Variants in MTR observed in about 807,000 individuals in gnomAD.
The protein encoded by MTR is 5-methyltetrahydrofolate-homocysteine methyltransferase, also known as methionine synthase.
A neutral mutation model predicts 154.8 loss-of-function variants in MTR; 84 were observed. The observed-to-expected ratio is 0.54, with a 90% CI of 0.45 to 0.65. The LOEUF (loss-of-function observed/expected upper bound fraction) is 0.65, where lower values mean the gene tolerates loss of function less well. MTR is among the 30% of genes least tolerant of loss of function. The pLI is 0.00. For missense variants in MTR, 1,275 were observed against 1,570.2 expected, an observed-to-expected ratio of 0.81 and a Z score of 3.18; for synonymous variants, 554 against 553.9, an observed-to-expected ratio of 1.00 and a Z score of 0.00.
intron 24 of MTR, among the ~76,000 whole-genome samples, chr1:236,879,327 A>T (rs1165457143): frequency 6.6e-6 from 1 of 152,186 alleles, no homozygotes; most frequent in Non-Finnish European, 1.5e-5. Flanking sequence ...GGTTGTTTGG[A>T]AAAGCTTGAG....
intron 28 of MTR, 51 bp from the exon 29 acceptor site, chr1:236,891,082 A>T (rs777029502): frequency 4.4e-6 from 7 of 1,587,918 alleles, no homozygotes; most frequent in Non-Finnish European, 6.1e-6. Flanking sequence ...GCATTGTTTG[A>T]TGGTTATTTT....
intron 18 of MTR, among the ~76,000 whole-genome samples, chr1:236,857,809 C>T (rs1664290049): frequency 6.6e-6 from 1 of 152,154 alleles, no homozygotes; most frequent in Non-Finnish European, 1.5e-5. Flanking sequence ...TGACCCCAAA[C>T]TAGAGATGGT....
intron 19 of MTR, 144 bp from the exon 20 acceptor site, chr1:236,860,981 G>A (rs1664501062): frequency 1.5e-6 from 1 of 663,628 alleles, no homozygotes; most frequent in East Asian, 2.7e-5. Context: ...GTGATAGGAA[G>A]CCAGATTGAG....
At chr1:236,817,299 CT>C (rs1169200468) in intron 8 of MTR, among the ~76,000 whole-genome samples, 3 of 152,022 alleles carry the variant, frequency 2.0e-5, no homozygotes, top group Non-Finnish European at 4.4e-5. Flanking sequence ...CCCCTTCCCC[CT>C]TTCCCCCCTT....
At chr1:236,826,708 A>G (rs1172239652) in intron 10 of MTR, 121 bp from the exon 11 acceptor site, 1 of 781,310 alleles carries the variant, frequency 1.3e-6, no homozygotes, top group East Asian at 2.6e-5. Flanking sequence ...AGTATGTTTG[A>G]CTCTCTTTTT....
rs1254197974 is a variant in MTR at position 236,808,786 on chromosome 1, C to A, written c.409+13C>A. The A allele has an allele frequency of 6.2e-7, 1 of 1,613,284 alleles. No individual in the cohort carries two copies. The highest frequency in any genetic ancestry group is 1.7e-5 in the Admixed American group (1 of 60,012). ...ACTCTCCAGACAGGTAGGGAATGTT[C>A]TTCTCTTTTTTTGCACACGTGGTTC... On this transcript the variant is annotated intron_variant, in intron 4 of 32. Coordinates refer to ENST00000366577, the MANE Select transcript of MTR (RefSeq NM_000254.3).
chr1:236,830,353 T>C (rs1312687745), intron 12 of MTR, among the ~76,000 whole-genome samples: 1 of 152,148 alleles, frequency 6.6e-6, no homozygotes, highest in Non-Finnish European at 1.5e-5. Flanking sequence ...AGCCAAGCAC[T>C]AAGAGTGGAA....
chr1:236,853,548 T>C (rs1402949964), intron 18 of MTR, among the ~76,000 whole-genome samples: 1 of 152,226 alleles, frequency 6.6e-6, no homozygotes, highest in Non-Finnish European at 1.5e-5. Flanking sequence ...TTTACAAAAA[T>C]AGAACTATAC....
Position 236,894,445 on chromosome 1 carries a change from G to A in MTR, c.3293G>A (p.Gly1098Asp), listed in dbSNP as rs2147950746. Residue 1098 changes from glycine (G) to aspartate (D), a missense_variant, in exon 30 of 33, where the codon GGC becomes GAC. By Grantham distance (94) the Gly-to-Asp change is moderately conservative (BLOSUM62 -1). Coordinates refer to ENST00000366577, the MANE Select transcript of MTR (RefSeq NM_000254.3). ...CATTCTGGCATCCGTGACTACCTGGGCCTGTTTGCCGTTGCCTGCTTTGGG... is the reference window on the plus strand; with the variant it reads ...CATTCTGGCATCCGTGACTACCTGGACCTGTTTGCCGTTGCCTGCTTTGGG... ...PLHSGIRDYL[G>D]LFAVACFGVE... 6.2e-7 allele frequency: 1 copy of A among 1,614,218 alleles called. No homozygotes were observed. The highest frequency in any genetic ancestry group is 2.2e-5 in the East Asian group (1 of 44,880).
intron 5 of MTR, among the ~76,000 whole-genome samples, chr1:236,810,839 T>A (rs934435186): frequency 2.6e-5 from 4 of 152,224 alleles, no homozygotes; most frequent in Non-Finnish European, 5.9e-5. Context: ...AATGCTGCTT[T>A]GTCAGCTGTG....
At chr1:236,816,775 C>A (rs1661620852) in intron 8 of MTR, among the ~76,000 whole-genome samples, 1 of 152,190 alleles carries the variant, frequency 6.6e-6, no homozygotes, top group Non-Finnish European at 1.5e-5. Flanking sequence ...AAATGGTTGC[C>A]TGTTTTCTGT....
chr1:236,897,496 G>GAA, intron 32 of MTR, 62 bp from the exon 33 acceptor site: 1 of 1,487,914 alleles, frequency 6.7e-7, no homozygotes, highest in South Asian at 1.1e-5. Flanking sequence ...AAATCTTGTG[G>GAA]AAACTTCTAT....
intron 22 of MTR, among the ~76,000 whole-genome samples, chr1:236,871,091 G>C (rs1048908759): frequency 1.3e-5 from 2 of 152,256 alleles, no homozygotes; most frequent in Non-Finnish European, 2.9e-5. Flanking sequence ...AGACCCTCCA[G>C]TGATTTCTCT....
intron 15 of MTR, among the ~76,000 whole-genome samples, chr1:236,842,557 G>C (rs974661205): frequency 6.6e-6 from 1 of 151,792 alleles, no homozygotes; most frequent in Non-Finnish European, 1.5e-5. Context: ...TCTTTTTCCT[G>C]AAGGTCTTTT....
At chr1:236,808,594 C>A in intron 3 of MTR, 110 bp from the exon 4 acceptor site, 1 of 1,056,414 alleles carries the variant, frequency 9.5e-7, no homozygotes, top group Non-Finnish European at 1.5e-6. Flanking sequence ...CAGATTAATT[C>A]ACTCTACATT....
chr1:236,851,916 A>G (rs1365202682), intron 16 of MTR, among the ~76,000 whole-genome samples: 1 of 152,208 alleles, frequency 6.6e-6, no homozygotes, highest in Non-Finnish European at 1.5e-5. Flanking sequence ...GCTTTTGGAC[A>G]TTATGAACAA....
chr1:236,869,537 C>G (rs1665005847), intron 22 of MTR, among the ~76,000 whole-genome samples: 1 of 152,208 alleles, frequency 6.6e-6, no homozygotes, highest in Non-Finnish European at 1.5e-5. Flanking sequence ...GTAAAATCAA[C>G]AACTTCCGTA....
chr1:236,848,127 C>T lies in MTR; in HGVS notation c.1516-2217C>T, dbSNP rs906838264. Among the ~76,000 whole-genome samples, 3 of 152,196 alleles carry T rather than the reference C, an allele frequency of 2.0e-5. No homozygotes were observed. In the South Asian group the frequency reaches 6.2e-4, roughly 31 times the overall value. On this transcript the variant is annotated intron_variant, in intron 15 of 32. Transcript: ENST00000366577. ...AGAACAATTTGACAAGGGCTTCATCCTTATGGAGGTTAGAGTTGATGACTC... is the reference window on the plus strand; with the variant it reads ...AGAACAATTTGACAAGGGCTTCATCTTTATGGAGGTTAGAGTTGATGACTC...
intron 6 of MTR, among the ~76,000 whole-genome samples, chr1:236,813,328 G>T (rs1458323027): frequency 6.6e-6 from 1 of 152,190 alleles, no homozygotes; most frequent in Admixed American, 6.5e-5. Flanking sequence ...AAGTGTATAT[G>T]GAGAGAGAAG....
Sources: allele counts gnomAD v4.1 joint callset (sites outside exome capture counted in the v4.1 genomes callset), GRCh38; gene constraint gnomAD v4.1.1; transcripts MANE v1.5; gene names NCBI Gene and HGNC (gene_info 2026-07-23, HGNC 2026-07-21).